TEF: variants seen among roughly 807,000 people sequenced by gnomAD.
The protein encoded by TEF is thyrotroph embryonic factor.
A neutral mutation model predicts 20.8 loss-of-function variants in TEF; 3 were observed. The ratio of observed to expected loss-of-function variants is 0.14; its 90% CI spans 0.07 to 0.37. The LOEUF (loss-of-function observed/expected upper bound fraction) is 0.37. Among genes scored for constraint, TEF ranks in the 10% least tolerant of loss-of-function variants. TEF has a pLI of 1.00. For synonymous variants in TEF, 180 were observed against 171.1 expected (o/e 1.05, Z -0.41); for missense variants, 296 against 397.9 (o/e 0.74, Z 2.18).
intron 1 of TEF, among the ~76,000 whole-genome samples, chr22:41,382,489 G>T (rs770108771): frequency 9.2e-5 from 14 of 152,040 alleles, no homozygotes; most frequent in Non-Finnish European, 4.4e-5. Context: ...CCCCTCCCCC[G>T]GGGCCACCTG....
chr22:41,369,361 TTA>T, intron 1 of TEF: 2 of 669,102 alleles, frequency 3.0e-6, no homozygotes, highest in Non-Finnish European at 3.7e-6. Flanking sequence ...TGGCCGAGAA[TTA>T]GTTAGTCCAG....
rs1005720263 is a variant in TEF, at chr22:41,387,443, G to A, written c.250G>A (p.Asp84Asn). The change falls in exon 2 of 4, where the codon GAC (aspartate) becomes AAC (asparagine). Residue 84 changes from aspartate to asparagine, a missense_variant. Physicochemically the swap from Asp to Asn is conservative, Grantham distance 23 (BLOSUM62 1). Around this residue, in one of 2 missense-constraint regions of TEF, gnomAD observed 194 missense variants for 317.8 expected, o/e 0.61. Coordinates refer to ENST00000266304, the MANE Select transcript of TEF (RefSeq NM_003216.4). Reference sequence around the variant, plus strand: ...AGCCTCCCTCATGCCACCCATCTGGGACAAGACCATCCCATATGATGGCGA... The same window carrying A: ...AGCCTCCCTCATGCCACCCATCTGGAACAAGACCATCCCATATGATGGCGA... ...VSASLMPPIW[D>N]KTIPYDGESF... 2.5e-6 allele frequency: 4 copies of A among 1,614,226 alleles called. No homozygotes were observed. Among genetic ancestry groups the A allele is most frequent in the Non-Finnish European group, 3.4e-6 (4 of 1,180,046 alleles).
Position 41,396,431 on chromosome 22 carries a change from A to C in TEF, c.*471A>C, listed in dbSNP as rs1304799593. On this transcript the variant is annotated 3_prime_UTR_variant, in exon 4 of 4. Transcript: ENST00000266304. Reference sequence around the variant, plus strand: ...GTCTGTCACGCACCTCATTCTCCCCAGACAGTCTTTGAGTAACATCTGTTC... The same window carrying C: ...GTCTGTCACGCACCTCATTCTCCCCCGACAGTCTTTGAGTAACATCTGTTC... 6.6e-5 allele frequency: 11 copies of C among 166,204 alleles called. No homozygotes were observed. Among genetic ancestry groups the C allele is most frequent in the Non-Finnish European group, 1.4e-4 (11 of 76,942 alleles). 10.3% of individuals were successfully genotyped at this position (166,204 alleles called of 1,614,324 possible). A position where few individuals can be genotyped will look rare whatever the true frequency, so the allele number is the denominator to read the frequency against.
upstream of TEF, chr22:41,381,911 G>C: frequency 8.2e-7 from 1 of 1,226,354 alleles, no homozygotes; most frequent in Non-Finnish European, 1.0e-6. Context: ...GGTAGCGATG[G>C]AAGGAGGCGG....
intron 1 of TEF, among the ~76,000 whole-genome samples, chr22:41,383,570 G>A (rs1237978940): frequency 6.6e-6 from 1 of 152,200 alleles, no homozygotes. Context: ...GCTCAGGGAG[G>A]TGAGGGTGCT....
chr22:41,375,838 T>C (rs1971931197), intron 1 of TEF, among the ~76,000 whole-genome samples: 1 of 151,480 alleles, frequency 6.6e-6, no homozygotes, highest in Non-Finnish European at 1.5e-5. Flanking sequence ...ACTGATAGGG[T>C]GGGGATTTTT....
intron 1 of TEF, chr22:41,369,153 G>A (rs1386975203): frequency 1.0e-6 from 1 of 985,232 alleles, no homozygotes; most frequent in Admixed American, 6.1e-5. Context: ...GCGACTCGGG[G>A]CACTGCTCCT....
At chr22:41,375,482 G>A (rs1219037941) in intron 1 of TEF, among the ~76,000 whole-genome samples, 1 of 152,184 alleles carries the variant, frequency 6.6e-6, no homozygotes, top group Non-Finnish European at 1.5e-5. Flanking sequence ...CGGGCGTGGT[G>A]GCACACGCCT....
At chr22:41,371,987 C>G (rs969922751) in intron 1 of TEF, among the ~76,000 whole-genome samples, 2 of 151,970 alleles carry the variant, frequency 1.3e-5, no homozygotes, top group African/African-American at 4.8e-5. Context: ...CTGAGCTTGG[C>G]CTGAGTGAAG....
intron 1 of TEF, among the ~76,000 whole-genome samples, chr22:41,375,879 G>T (rs1429242985): frequency 6.6e-6 from 1 of 152,116 alleles, no homozygotes; most frequent in Non-Finnish European, 1.5e-5. Context: ...TATTTTTACT[G>T]GGTTATTACC....
At chr22:41,395,373 C>T (rs1046778422) in intron 3 of TEF, among the ~76,000 whole-genome samples, 4 of 152,140 alleles carry the variant, frequency 2.6e-5, no homozygotes, top group Admixed American at 1.3e-4. Context: ...CACAGTTTCA[C>T]TGCTAGTAAT....
chr22:41,381,442 G>T (rs1026956013), upstream of TEF, among the ~76,000 whole-genome samples: 1 of 152,102 alleles, frequency 6.6e-6, no homozygotes, highest in African/African-American at 2.4e-5. Flanking sequence ...GCGGCTCCAC[G>T]TGACCCGCGG....
intron 3 of TEF, among the ~76,000 whole-genome samples, chr22:41,394,850 G>T (rs866458512): frequency 6.6e-6 from 1 of 152,180 alleles, no homozygotes; most frequent in South Asian, 2.1e-4. Flanking sequence ...GCCACTTGTG[G>T]CCTAGCTGTG....
chr22:41,376,346 C>T (rs2036941820), intron 1 of TEF, among the ~76,000 whole-genome samples: 1 of 152,234 alleles, frequency 6.6e-6, no homozygotes. Flanking sequence ...AAGTGATTCT[C>T]CTGTCTCAGC....
intron 1 of TEF, among the ~76,000 whole-genome samples, chr22:41,370,890 G>A (rs1353165587): frequency 6.6e-5 from 10 of 152,100 alleles, no homozygotes; most frequent in South Asian, 4.1e-4. Context: ...GGCTTCCAAC[G>A]ACAATGGCTT....
intron 1 of TEF, chr22:41,369,962 G>A (rs1428323046): frequency 1.2e-5 from 12 of 985,224 alleles, no homozygotes; most frequent in South Asian, 4.7e-5. Flanking sequence ...GCTGTGCTTC[G>A]GCACACATTT....
chr22:41,373,759 C>G (rs373848104), intron 1 of TEF, among the ~76,000 whole-genome samples: 12 of 147,362 alleles, frequency 8.1e-5, no homozygotes, highest in African/African-American at 2.7e-4. Context: ...TAAGTCACCA[C>G]GCCCGGACTT....
chr22:41,371,527 G>A (rs573716562), intron 1 of TEF, among the ~76,000 whole-genome samples: 75 of 152,306 alleles, frequency 4.9e-4, no homozygotes, highest in African/African-American at 1.6e-3. Context: ...TTTAAAAAGC[G>A]GAAAAGAATA....
upstream of TEF, among the ~76,000 whole-genome samples, chr22:41,381,632 G>A (rs915177296): frequency 6.6e-6 from 1 of 152,140 alleles, no homozygotes; most frequent in Non-Finnish European, 1.5e-5. Flanking sequence ...GGGGAACACT[G>A]GTAGGAGGGA....
Sources: gnomAD v4.1 joint callset for allele counts (sites outside exome capture counted in the v4.1 genomes callset) on GRCh38, gnomAD v4.1.1 for gene constraint, gnomAD v4.1.1 regional missense constraint, MANE v1.5 for transcripts, NCBI Gene and HGNC (gene_info 2026-07-23, HGNC 2026-07-21) for gene names.